Variants in RERE observed in about 807,000 individuals in gnomAD.
The protein encoded by RERE is arginine-glutamic acid dipeptide repeats protein.
Under a neutral mutation model 146.1 loss-of-function variants are expected in RERE, and 40 were observed. The ratio of observed to expected loss-of-function variants is 0.27; its 90% CI spans 0.21 to 0.36. The LOEUF (loss-of-function observed/expected upper bound fraction) is 0.36. RERE is among the 10% of genes least tolerant of loss of function. RERE has a pLI of 1.00. For missense variants in RERE, 1,933 were observed against 2,138.7 expected (o/e 0.90, Z 1.90); for synonymous variants, 1,003 against 866.0 (o/e 1.16, Z -2.78).
At chr1:8,774,938 T>G (rs1641032061) in intron 1 of RERE, among the ~76,000 whole-genome samples, 1 of 138,978 alleles carries the variant, frequency 7.2e-6, no homozygotes. Context: ...ATAGTAGCAT[T>G]TCTTCTTTCT....
At chr1:8,368,265 A>T (rs1275929223) in intron 12 of RERE, among the ~76,000 whole-genome samples, 1 of 151,962 alleles carries the variant, frequency 6.6e-6, no homozygotes, top group Non-Finnish European at 1.5e-5. Context: ...AGGTCAGGAG[A>T]TTGAGACCAT....
intron 1 of RERE, among the ~76,000 whole-genome samples, chr1:8,792,923 G>A (rs973263588): frequency 2.0e-5 from 3 of 152,006 alleles, no homozygotes; most frequent in African/African-American, 4.8e-5. Context: ...TTGGGAGGCC[G>A]AGGTGGGCGG....
intron 6 of RERE, among the ~76,000 whole-genome samples, chr1:8,543,513 C>G (rs192984913): frequency 6.6e-6 from 1 of 152,212 alleles, no homozygotes; most frequent in East Asian, 1.9e-4. Context: ...CACTCTTAAA[C>G]TGGAGTAATT....
chr1:8,677,425 CAAAA>C (rs33947474), intron 1 of RERE, among the ~76,000 whole-genome samples: 1 of 93,748 alleles, frequency 1.1e-5, no homozygotes, highest in Non-Finnish European at 2.1e-5. Flanking sequence ...GTCTCCGTCT[CAAAA>C]AAAAAAAAAA....
At chr1:8,731,040 G>GA (rs932599233) in intron 1 of RERE, among the ~76,000 whole-genome samples, 2 of 151,962 alleles carry the variant, frequency 1.3e-5, no homozygotes, top group African/African-American at 2.4e-5. Context: ...AAATTTGAAG[G>GA]AAAAAAATCA....
At chr1:8,467,984 T>G (rs570734443) in intron 10 of RERE, among the ~76,000 whole-genome samples, 1 of 152,290 alleles carries the variant, frequency 6.6e-6, no homozygotes, top group Non-Finnish European at 1.5e-5. Flanking sequence ...AAACAGAAAG[T>G]ATTAAAAATT....
At chr1:8,583,687 TA>T (rs1208556566) in intron 4 of RERE, among the ~76,000 whole-genome samples, 9 of 151,710 alleles carry the variant, frequency 5.9e-5, no homozygotes, top group African/African-American at 2.2e-4. Flanking sequence ...CAAAATAATT[TA>T]AATTAATTAA....
At chr1:8,466,178 C>T (rs1457585634) in intron 10 of RERE, among the ~76,000 whole-genome samples, 155 bp from the exon 11 acceptor site, 1 of 152,156 alleles carries the variant, frequency 6.6e-6, no homozygotes, top group African/African-American at 2.4e-5. Context: ...AATTTGTTCT[C>T]ATCCAAGACC....
In RERE at chr1:8,759,838, T is replaced by TACACACACACAC. The variant is rs369646175; in HGVS notation, c.-145+57310_-145+57321dup. 3.7e-3 allele frequency among the ~76,000 whole-genome samples: 525 copies of TACACACACACAC among 142,308 alleles called. 3 individuals carry two copies. Among genetic ancestry groups the TACACACACACAC allele is most frequent in the African/African-American group, 0.013 (488 of 38,678 alleles). 93.4% of individuals were successfully genotyped at this position (142,308 alleles called of 152,430 possible). On this transcript the variant is annotated intron_variant, in intron 1 of 22. Coordinates refer to ENST00000400908, the MANE Select transcript of RERE (RefSeq NM_001042681.2). ...TAACTCTAAATTCTTACTCTCTCTATACACACACACACACACACACACACA... is the reference window on the plus strand; with the variant it reads ...TAACTCTAAATTCTTACTCTCTCTATACACACACACACACACACACACACACACACACACACA...
At chr1:8,718,098 TG>T (rs1415972898) in intron 1 of RERE, among the ~76,000 whole-genome samples, 1 of 152,230 alleles carries the variant, frequency 6.6e-6, no homozygotes. Context: ...CAGAAACATC[TG>T]TTTTACCAAT....
intron 1 of RERE, among the ~76,000 whole-genome samples, chr1:8,738,260 C>T (rs1458334784): frequency 6.6e-6 from 1 of 152,076 alleles, no homozygotes; most frequent in Non-Finnish European, 1.5e-5. Flanking sequence ...GAGCTTTATT[C>T]GTGCCTTTCT....
At chr1:8,680,557 G>GA (rs1173602171) in intron 1 of RERE, among the ~76,000 whole-genome samples, 2 of 152,146 alleles carry the variant, frequency 1.3e-5, no homozygotes, top group African/African-American at 4.8e-5. Flanking sequence ...ATGGATGGGG[G>GA]AAAGAAAGGA....
intron 4 of RERE, among the ~76,000 whole-genome samples, chr1:8,582,613 T>C (rs1185817101): frequency 6.6e-6 from 1 of 151,854 alleles, no homozygotes; most frequent in Non-Finnish European, 1.5e-5. Flanking sequence ...TGCCAGCTAC[T>C]GGGGAGGCTG....
chr1:8,586,038 C>G (rs1428609130), intron 4 of RERE, among the ~76,000 whole-genome samples: 1 of 152,124 alleles, frequency 6.6e-6, no homozygotes, highest in Non-Finnish European at 1.5e-5. Context: ...CTGGATCCAG[C>G]TACTAATACA....
At chr1:8,436,582 CGT>C (rs1394576096) in intron 11 of RERE, among the ~76,000 whole-genome samples, 1 of 152,018 alleles carries the variant, frequency 6.6e-6, no homozygotes, top group Non-Finnish European at 1.5e-5. Context: ...AGAAATCCTC[CGT>C]GAGAGGATTT....
At chr1:8,488,086 C>CA (rs61502634) in intron 10 of RERE, among the ~76,000 whole-genome samples, 75,874 of 126,020 alleles carry the variant, frequency 0.6, 20,752 homozygotes, top group East Asian at 0.78. Context: ...TTTTTTTAAT[C>CA]AAAAAAAAAA....
At chr1:8,655,892 A>G (rs1638269542) in intron 2 of RERE, 81 bp downstream of exon 2, 2 of 1,539,636 alleles carry the variant, frequency 1.3e-6, no homozygotes, top group Non-Finnish European at 1.7e-6. Context: ...TAAAGTGTAC[A>G]AAGCGTATTT....
chr1:8,507,179 G>C (rs541631923), intron 8 of RERE, among the ~76,000 whole-genome samples: 1 of 152,226 alleles, frequency 6.6e-6, no homozygotes, highest in Non-Finnish European at 1.5e-5. Flanking sequence ...GGCTGAGGCA[G>C]GTTGGACTGC....
chr1:8,580,057 G>A (rs796722584), intron 4 of RERE, among the ~76,000 whole-genome samples: 1 of 152,218 alleles, frequency 6.6e-6, no homozygotes, highest in African/African-American at 2.4e-5. Context: ...ACCTAACCAA[G>A]TATCAACAGT....
Sources: allele counts gnomAD v4.1 joint callset (sites outside exome capture counted in the v4.1 genomes callset), GRCh38; gene constraint gnomAD v4.1.1; transcripts MANE v1.5; gene names NCBI Gene and HGNC (gene_info 2026-07-23, HGNC 2026-07-21).